Variants in CRADD observed in about 807,000 individuals in gnomAD.
The protein encoded by CRADD is CARD and death domain containing adaptor protein.
CRADD carries 9 observed loss-of-function variants against 15.5 expected under a neutral mutation model. The ratio of observed to expected loss-of-function variants is 0.58; its 90% CI spans 0.35 to 1.01. The LOEUF is 1.01. CRADD is among the 50% of genes least tolerant of loss of function. CRADD has a pLI of 0.02. For synonymous variants in CRADD, 118 were observed against 107.6 expected (o/e 1.10, Z -0.60); for missense variants, 227 against 250.3 (o/e 0.91, Z 0.63).
intron 2 of CRADD, among the ~76,000 whole-genome samples, chr12:93,862,202 C>T (rs759227768): frequency 1.2e-4 from 18 of 152,290 alleles, no homozygotes; most frequent in Non-Finnish European, 2.1e-4. Flanking sequence ...GCCATCAGCA[C>T]GTCCACCAGG....
chr12:93,796,624 G>T, intron 2 of CRADD, among the ~76,000 whole-genome samples: 1 of 148,850 alleles, frequency 6.7e-6, no homozygotes. Flanking sequence ...AAAGCCATCT[G>T]GATAATACAT....
intron 2 of CRADD, among the ~76,000 whole-genome samples, chr12:93,882,355 A>T (rs1958508199): frequency 7.3e-6 from 1 of 136,992 alleles, no homozygotes; most frequent in Non-Finnish European, 1.5e-5. Flanking sequence ...CGGGAAACGG[A>T]GGTTGCAGTG....
chr12:93,859,866 C>T (rs1251854379), intron 2 of CRADD, among the ~76,000 whole-genome samples: 1 of 150,354 alleles, frequency 6.7e-6, no homozygotes, highest in Non-Finnish European at 1.5e-5. Context: ...GACTACAGAA[C>T]TACAGGCGCA....
chr12:93,746,591 T>C (rs1956754892), intron 2 of CRADD, among the ~76,000 whole-genome samples: 1 of 152,154 alleles, frequency 6.6e-6, no homozygotes, highest in Non-Finnish European at 1.5e-5. Flanking sequence ...CGGGAATTAG[T>C]GGTATTCCAA....
chr12:93,821,139 G>C (rs917618672), intron 2 of CRADD, among the ~76,000 whole-genome samples: 1 of 152,220 alleles, frequency 6.6e-6, no homozygotes, highest in African/African-American at 2.4e-5. Flanking sequence ...TAGACCCATG[G>C]CTGCTCCTCA....
intron 2 of CRADD, among the ~76,000 whole-genome samples, chr12:93,811,622 T>C (rs899317128): frequency 4.6e-5 from 7 of 152,246 alleles, no homozygotes; most frequent in African/African-American, 1.7e-4. Context: ...AAATCTCAGT[T>C]TGTTCATCTG....
chr12:93,770,142 T>C (rs10859575), intron 2 of CRADD, among the ~76,000 whole-genome samples: 43,786 of 134,350 alleles, frequency 0.33, 8,443 homozygotes, highest in East Asian at 0.57. Context: ...GTGGCCCAGG[T>C]GGGAGTGCAG....
intron 2 of CRADD, among the ~76,000 whole-genome samples, chr12:93,783,228 GTATTATTATTATTATTATTATTAT>G (rs57260302): frequency 3.6e-5 from 5 of 139,378 alleles, no homozygotes; most frequent in South Asian, 2.4e-4. Context: ...ACAGGTATAG[GTATTATTATTATTATTATTATTAT>G]TATTATTATT....
chr12:93,849,740 C>CA (rs77041843), intron 2 of CRADD, among the ~76,000 whole-genome samples: 6,371 of 61,802 alleles, frequency 0.1, 246 homozygotes, highest in Middle Eastern at 0.19. Context: ...AACACCGTCT[C>CA]AAAAAAAAAA....
chr12:93,728,861 G>A (rs1480960564), intron 2 of CRADD, among the ~76,000 whole-genome samples: 1 of 152,182 alleles, frequency 6.6e-6, no homozygotes, highest in Non-Finnish European at 1.5e-5. Context: ...GAAAATCAAT[G>A]TAATTTATTG....
intron 2 of CRADD, among the ~76,000 whole-genome samples, chr12:93,775,531 A>G (rs2136965380): frequency 6.6e-6 from 1 of 152,238 alleles, no homozygotes; most frequent in Non-Finnish European, 1.5e-5. Context: ...TAGTGGTGAA[A>G]GAGCACGGGT....
chr12:93,754,618 C>T (rs1274695481), intron 2 of CRADD, among the ~76,000 whole-genome samples: 1 of 152,186 alleles, frequency 6.6e-6, no homozygotes, highest in Non-Finnish European at 1.5e-5. Context: ...TAAAGCATAG[C>T]AAGAGTCACC....
intron 2 of CRADD, among the ~76,000 whole-genome samples, chr12:93,833,277 A>G (rs1373229235): frequency 6.6e-6 from 1 of 152,222 alleles, no homozygotes; most frequent in Non-Finnish European, 1.5e-5. Context: ...GGGAAGATAG[A>G]TGGATGGAGA....
intron 2 of CRADD, among the ~76,000 whole-genome samples, chr12:93,821,439 CT>C (rs1275524716): frequency 6.6e-6 from 1 of 152,242 alleles, no homozygotes; most frequent in Non-Finnish European, 1.5e-5. Flanking sequence ...CTGATGGCTT[CT>C]GACTCCCAGT....
In CRADD at chr12:93,697,639, T is replaced by C. The variant is rs189172762; in HGVS notation, c.298+18567T>C. Among the ~76,000 whole-genome samples the C allele has an allele frequency of 3.6e-4, 55 of 152,356 alleles. No individual in the cohort carries two copies. In the Middle Eastern group the frequency reaches 0.01, roughly 28 times the overall value. On this transcript the variant is annotated intron_variant, in intron 2 of 2. Coordinates refer to ENST00000332896, the MANE Select transcript of CRADD (RefSeq NM_003805.5). ...TTAAAAAAGAGATAGCCAGTGTTTATAATAAATGAATCATCTTAACATTTG... is the reference window on the plus strand; with the variant it reads ...TTAAAAAAGAGATAGCCAGTGTTTACAATAAATGAATCATCTTAACATTTG...
intron 2 of CRADD, among the ~76,000 whole-genome samples, chr12:93,689,255 A>G (rs1009098447): frequency 6.6e-6 from 1 of 152,204 alleles, no homozygotes; most frequent in Non-Finnish European, 1.5e-5. Context: ...GTGCAGCTTC[A>G]GAGTTTCACC....
chr12:93,829,084 T>G (rs563808232), intron 2 of CRADD, among the ~76,000 whole-genome samples: 20 of 151,724 alleles, frequency 1.3e-4, no homozygotes, highest in Middle Eastern at 3.4e-3. Flanking sequence ...CAAGGAAAAA[T>G]AAAATGTTCT....
At chr12:93,722,313 G>A in intron 2 of CRADD, among the ~76,000 whole-genome samples, 1 of 152,084 alleles carries the variant, frequency 6.6e-6, no homozygotes, top group East Asian at 1.9e-4. Context: ...CGATAGCCTA[G>A]GTATAGTTTT....
At chr12:93,803,880 G>A (rs887891549) in intron 2 of CRADD, among the ~76,000 whole-genome samples, 1 of 152,126 alleles carries the variant, frequency 6.6e-6, no homozygotes, top group African/African-American at 2.4e-5. Flanking sequence ...CATTGGAAAA[G>A]GGAGGAAAAG....
Sources: gnomAD v4.1 joint callset for allele counts (sites outside exome capture counted in the v4.1 genomes callset) on GRCh38, gnomAD v4.1.1 for gene constraint, MANE v1.5 for transcripts, NCBI Gene and HGNC (gene_info 2026-07-23, HGNC 2026-07-21) for gene names.